Variants in EHMT1 observed in about 807,000 individuals in gnomAD.
The protein encoded by EHMT1 is histone-lysine N-methyltransferase EHMT1.
EHMT1 carries 15 observed loss-of-function variants against 147.2 expected under a neutral mutation model. That is an observed-to-expected ratio of 0.10 (90% CI 0.07 to 0.16). The LOEUF (loss-of-function observed/expected upper bound fraction) is 0.16. EHMT1 is among the 10% of genes least tolerant of loss of function. The pLI is 1.00. For synonymous variants in EHMT1, 795 were observed against 709.6 expected (o/e 1.12, Z -1.91); for missense variants, 1,587 against 1,772.4 (o/e 0.90, Z 1.88).
chr9:137,728,824 A>C (rs898625414), intron 4 of EHMT1, among the ~76,000 whole-genome samples: 1 of 152,102 alleles, frequency 6.6e-6, no homozygotes, highest in African/African-American at 2.4e-5. Context: ...AAGACCCTGG[A>C]GTTGGAAGCT....
intron 1 of EHMT1, among the ~76,000 whole-genome samples, chr9:137,692,798 G>A (rs1336139377): frequency 6.6e-6 from 1 of 152,198 alleles, no homozygotes; most frequent in Non-Finnish European, 1.5e-5. Context: ...CCAGTGCGCA[G>A]TGTCTGTTGC....
At chr9:137,670,108 C>T (rs1009123777) in intron 1 of EHMT1, among the ~76,000 whole-genome samples, 51 of 152,156 alleles carry the variant, frequency 3.4e-4, no homozygotes, top group Admixed American at 2.4e-3. Context: ...GATCCGCCTG[C>T]CTCAGCCTCC....
intron 3 of EHMT1, among the ~76,000 whole-genome samples, chr9:137,725,036 G>A (rs373197893): frequency 3.1e-4 from 44 of 144,146 alleles, no homozygotes; most frequent in East Asian, 2.6e-3. Flanking sequence ...TGTGGCCTTC[G>A]TGGGGCATTC....
intron 15 of EHMT1, among the ~76,000 whole-genome samples, chr9:137,783,211 T>C (rs1220376909): frequency 2.0e-5 from 3 of 152,236 alleles, no homozygotes; most frequent in African/African-American, 4.8e-5. Context: ...CCTGTGTGAC[T>C]TCTGTGCCCA....
At chr9:137,780,527 GT>G in intron 14 of EHMT1, among the ~76,000 whole-genome samples, 2 of 142,444 alleles carry the variant, frequency 1.4e-5, no homozygotes, top group African/African-American at 5.4e-5. Flanking sequence ...GCTGGGATGT[GT>G]GGTGATGACG....
At chr9:137,722,084 C>T (rs574145661) in intron 3 of EHMT1, among the ~76,000 whole-genome samples, 1 of 151,802 alleles carries the variant, frequency 6.6e-6, no homozygotes, top group East Asian at 1.9e-4. Flanking sequence ...TTTATTTTTG[C>T]CTGTGGATGG....
chr9:137,800,861 T>C lies in EHMT1; in HGVS notation c.2608-19T>C. 1 of 1,612,600 alleles carries C rather than the reference T, an allele frequency of 6.2e-7. No individual in the cohort carries two copies. Among genetic ancestry groups the C allele is most frequent in the Non-Finnish European group, 8.5e-7 (1 of 1,178,702 alleles). On this transcript the variant is annotated intron_variant, in intron 17 of 26. Coordinates refer to ENST00000460843, the MANE Select transcript of EHMT1 (RefSeq NM_024757.5). Reference sequence around the variant, plus strand: ...GCCGGTCTCTGGAGCGATGACAGCTTTGTCCTCTTCCCTGGCAGGATGACG... The same window carrying C: ...GCCGGTCTCTGGAGCGATGACAGCTCTGTCCTCTTCCCTGGCAGGATGACG...
At chr9:137,638,694 T>C (rs1050336456) in intron 1 of EHMT1, among the ~76,000 whole-genome samples, 1 of 152,104 alleles carries the variant, frequency 6.6e-6, no homozygotes, top group Non-Finnish European at 1.5e-5. Context: ...GATGAAATCA[T>C]AGTTGAGTAG....
At chr9:137,661,487 T>C (rs1307468026) in intron 1 of EHMT1, among the ~76,000 whole-genome samples, 1 of 130,266 alleles carries the variant, frequency 7.7e-6, no homozygotes, top group East Asian at 2.1e-4. Flanking sequence ...TTTGTACATC[T>C]TTTTTTTTTT....
chr9:137,789,456 A>G (rs1416641376), intron 15 of EHMT1, among the ~76,000 whole-genome samples: 1 of 151,892 alleles, frequency 6.6e-6, no homozygotes, highest in East Asian at 1.9e-4. Flanking sequence ...CTCGCTCTCT[A>G]CCTCGTTTTG....
chr9:137,834,867 G>C lies in EHMT1; in HGVS notation c.3811G>C (p.Ala1271Pro). The part of the protein sequence containing the change: ...PKCRHSSAAL[A>P]QRQASAAQEA... ...GTGCCGGCACTCGAGCGCGGCCCTG[G>C]CCCAGCGTCAGGCCAGCGCGGCCCA... Residue 1271 changes from alanine (A) to proline (P), a missense_variant, in exon 27 of 27, where the codon GCC becomes CCC. By Grantham distance (27) the Ala-to-Pro change is conservative. Transcript: ENST00000460843. The C allele has an allele frequency of 6.2e-7, 1 of 1,611,236 alleles. No individual in the cohort carries two copies. The highest frequency in any genetic ancestry group is 8.5e-7 in the Non-Finnish European group (1 of 1,179,344).
chr9:137,721,970 A>G (rs1946101740), intron 3 of EHMT1, among the ~76,000 whole-genome samples: 1 of 143,326 alleles, frequency 7.0e-6, no homozygotes, highest in African/African-American at 2.8e-5. Flanking sequence ...CTAGATCTCA[A>G]TTTCTCTAAT....
In EHMT1 at chr9:137,770,300, A is replaced by G. The variant is rs1285928244; in HGVS notation, c.1648-4809A>G. ...ATGTTGGCCTTTAAAATTATTCACCAGTTCTTCCTTGTTGAGTATACTTCT... is the reference window on the plus strand; with the variant it reads ...ATGTTGGCCTTTAAAATTATTCACCGGTTCTTCCTTGTTGAGTATACTTCT... On this transcript the variant is annotated intron_variant, in intron 10 of 26. Transcript: ENST00000460843. Among the ~76,000 whole-genome samples the G allele has an allele frequency of 2.6e-5, 4 of 152,198 alleles. No homozygotes were observed. In the South Asian group the frequency reaches 8.3e-4, roughly 32 times the overall value.
intron 3 of EHMT1, among the ~76,000 whole-genome samples, chr9:137,720,234 C>A (rs559726805): frequency 6.6e-6 from 1 of 152,172 alleles, no homozygotes; most frequent in Non-Finnish European, 1.5e-5. Flanking sequence ...CTGACGTCAC[C>A]CTGTGTAGCC....
chr9:137,763,801 GGGGCCAGGT>G (rs1278596062), intron 10 of EHMT1: 3 of 152,410 alleles, frequency 2.0e-5, no homozygotes, highest in African/African-American at 7.2e-5. Flanking sequence ...GCCCGTGAGA[GGGGCCAGGT>G]GGCGCCTCCA....
rs1269003617 is a variant in EHMT1, at chr9:137,632,996, G to A, written c.21+13947G>A. 3.9e-5 allele frequency among the ~76,000 whole-genome samples: 6 copies of A among 152,200 alleles called. No individual in the cohort carries two copies. The South Asian group carries it at 8.3e-4, about 21-fold the overall frequency. On this transcript the variant is annotated intron_variant, in intron 1 of 26. Coordinates refer to ENST00000460843, the MANE Select transcript of EHMT1 (RefSeq NM_024757.5). ...GCTGTGTGAAGAACGGATTGTAGAC[G>A]GATGGCAGTGGAGGCAGCAAACGCA...
chr9:137,699,600 A>G (rs575536132), intron 1 of EHMT1, among the ~76,000 whole-genome samples: 16 of 152,160 alleles, frequency 1.1e-4, no homozygotes, highest in African/African-American at 3.4e-4. Context: ...GCTTGAGCCC[A>G]GGAGGCGGAG....
intron 3 of EHMT1, among the ~76,000 whole-genome samples, chr9:137,718,922 A>AT (rs1361210232): frequency 6.6e-6 from 1 of 151,660 alleles, no homozygotes; most frequent in Non-Finnish European, 1.5e-5. Flanking sequence ...CACCTGGCTA[A>AT]TTTTTGTATT....
intron 1 of EHMT1, among the ~76,000 whole-genome samples, chr9:137,698,163 G>T (rs1207558527): frequency 6.6e-6 from 1 of 152,212 alleles, no homozygotes; most frequent in Non-Finnish European, 1.5e-5. Flanking sequence ...AAGCGCTGAG[G>T]AGGATCATTA....
Sources: allele counts gnomAD v4.1 joint callset (sites outside exome capture counted in the v4.1 genomes callset), GRCh38; gene constraint gnomAD v4.1.1; transcripts MANE v1.5; gene names NCBI Gene and HGNC (gene_info 2026-07-23, HGNC 2026-07-21).